RRN3: variants seen among roughly 807,000 people sequenced by gnomAD.
RRN3 encodes RNA polymerase I transcription factor RRN3.
Under a neutral mutation model 82.3 loss-of-function variants are expected in RRN3, and 38 were observed. The ratio of observed to expected loss-of-function variants is 0.46; its 90% CI spans 0.36 to 0.61. RRN3 has a LOEUF of 0.61. Among genes scored for constraint, RRN3 ranks in the 20% least tolerant of loss-of-function variants. The pLI, the probability that RRN3 is intolerant of heterozygous loss-of-function variation, is 0.00. For missense variants in RRN3, 726 were observed against 793.1 expected (o/e 0.92, Z 1.02); for synonymous variants, 284 against 284.3 (o/e 1.00, Z 0.01).
intron 7 of RRN3, 196 bp from the exon 8 acceptor site, chr16:15,083,778 G>A (rs537511086): frequency 9.1e-5 from 53 of 583,286 alleles, no homozygotes; most frequent in Non-Finnish European, 1.5e-4. Flanking sequence ...GTGCAGTGGC[G>A]CAATCTCAGC....
At chr16:15,088,521 G>A (rs1333592134) in intron 3 of RRN3, among the ~76,000 whole-genome samples, 1 of 151,982 alleles carries the variant, frequency 6.6e-6, no homozygotes, top group South Asian at 2.1e-4. Context: ...GCAATTCTTG[G>A]TATGTCAAAA....
chr16:15,075,974 G>A (rs2045437341), intron 10 of RRN3, among the ~76,000 whole-genome samples: 1 of 152,146 alleles, frequency 6.6e-6, no homozygotes, highest in African/African-American at 2.4e-5. Flanking sequence ...TGATTGACAA[G>A]GCATCAGAAA....
intron 9 of RRN3, among the ~76,000 whole-genome samples, chr16:15,077,706 TGGCA>T: frequency 6.6e-6 from 1 of 152,158 alleles, no homozygotes; most frequent in East Asian, 1.9e-4. Context: ...CCGGGCATGG[TGGCA>T]TGTGCCTGTA....
At chr16:15,071,585 T>A (rs911593768) in intron 12 of RRN3, among the ~76,000 whole-genome samples, 2 of 152,086 alleles carry the variant, frequency 1.3e-5, no homozygotes, top group Non-Finnish European at 2.9e-5. Context: ...CTGGCCAACA[T>A]GGAGAAACCC....
chr16:15,075,556 G>C (rs1320891583), intron 10 of RRN3, among the ~76,000 whole-genome samples: 3 of 151,162 alleles, frequency 2.0e-5, no homozygotes, highest in Non-Finnish European at 3.0e-5. Context: ...CTGGGCAACA[G>C]AGTGAGACCC....
In RRN3 at chr16:15,060,149, A is replaced by T. The variant is rs940817681; in HGVS notation, c.*1595T>A. ...CTCCTTTGAAATTAAACAGACTTAT[A>T]TGTAAATGTCTTTCTACATTAAAAC... On this transcript the variant is annotated 3_prime_UTR_variant, in exon 18 of 18. Transcript: ENST00000198767. 4.8e-6 allele frequency: 2 copies of T among 413,818 alleles called. No homozygotes were observed. Among genetic ancestry groups the T allele is most frequent in the Admixed American group, 5.7e-5 (2 of 35,186 alleles). The allele number at this position is 413,818 out of a possible 1,614,324, so 25.6% of individuals were successfully genotyped here.
At chr16:15,081,004 TATA>T (rs2045680611) in intron 8 of RRN3, among the ~76,000 whole-genome samples, 1 of 152,208 alleles carries the variant, frequency 6.6e-6, no homozygotes, top group Admixed American at 6.5e-5. Context: ...AATGGAGTCA[TATA>T]ATACACAGTC....
Position 15,089,194 on chromosome 16 carries a change from G to C in RRN3, c.252+2121C>G, listed in dbSNP as rs996255744. ...GTGGCACAGCTACTCGGGAGGCTGA[G>C]GTGGGAGGATGGCTTGAACCCAGGA... On this transcript the variant is annotated intron_variant, in intron 3 of 17. Coordinates refer to ENST00000198767, the MANE Select transcript of RRN3 (RefSeq NM_018427.5). Among the ~76,000 whole-genome samples the C allele has an allele frequency of 3.3e-5, 5 of 152,048 alleles. No individual in the cohort carries two copies. In the South Asian group the frequency reaches 6.2e-4, roughly 19 times the overall value.
chr16:15,073,747 A>C (rs1309249373), intron 11 of RRN3, among the ~76,000 whole-genome samples: 2 of 152,212 alleles, frequency 1.3e-5, no homozygotes, highest in African/African-American at 4.8e-5. Context: ...GAAAACAGTA[A>C]AAGACAGTTA....
At chr16:15,071,084 T>G in intron 13 of RRN3, 37 bp downstream of exon 13, 1 of 1,554,860 alleles carries the variant, frequency 6.4e-7, no homozygotes, top group South Asian at 1.2e-5. Flanking sequence ...TTTTAAAGCA[T>G]GATATTAAAA....
intron 8 of RRN3, 117 bp downstream of exon 8, chr16:15,083,396 C>T: frequency 1.4e-6 from 2 of 1,480,132 alleles, no homozygotes; most frequent in Non-Finnish European, 1.8e-6. Context: ...GAGACTCGGT[C>T]TCAAAAAAGA....
At chr16:15,074,112 G>T (rs562653108) in intron 11 of RRN3, among the ~76,000 whole-genome samples, 2 of 152,216 alleles carry the variant, frequency 1.3e-5, no homozygotes, top group East Asian at 3.9e-4. Context: ...CATTTAAATT[G>T]TTTTTATCCT....
chr16:15,085,386 A>T (rs1156507779), intron 6 of RRN3, among the ~76,000 whole-genome samples: 4 of 152,208 alleles, frequency 2.6e-5, no homozygotes, highest in African/African-American at 4.8e-5. Flanking sequence ...CCTGGGCTCA[A>T]GCAATCCACC....
At chr16:15,073,440 G>GT (rs1006497973) in intron 11 of RRN3, among the ~76,000 whole-genome samples, 1 of 152,098 alleles carries the variant, frequency 6.6e-6, no homozygotes, top group African/African-American at 2.4e-5. Flanking sequence ...CTGGGTTAGA[G>GT]TAAGACCGTG....
chr16:15,087,767 A>G (rs1362170055), intron 3 of RRN3, among the ~76,000 whole-genome samples: 1 of 152,172 alleles, frequency 6.6e-6, no homozygotes, highest in Non-Finnish European at 1.5e-5. Context: ...TCTCTTTTCC[A>G]CTAAAAAGAC....
chr16:15,083,617 T>C (rs1293921567), intron 7 of RRN3, 35 bp from the exon 8 acceptor site: 1 of 1,586,992 alleles, frequency 6.3e-7, no homozygotes, highest in Non-Finnish European at 8.6e-7. Context: ...CCATGTTAAC[T>C]TTACTTTCTA....
intron 12 of RRN3, among the ~76,000 whole-genome samples, chr16:15,072,517 G>A (rs1189774037): frequency 1.3e-5 from 2 of 152,120 alleles, no homozygotes; most frequent in African/African-American, 2.4e-5. Flanking sequence ...AGAAGGGAAC[G>A]TGGGCCAGGC....
intron 3 of RRN3, 101 bp downstream of exon 3, chr16:15,091,214 G>C: frequency 6.9e-7 from 1 of 1,453,438 alleles, no homozygotes; most frequent in Non-Finnish European, 9.4e-7. Context: ...GAGGACCATG[G>C]AGAGAGCAAG....
intron 8 of RRN3, among the ~76,000 whole-genome samples, chr16:15,082,735 C>G (rs1400882057): frequency 2.0e-5 from 3 of 151,684 alleles, no homozygotes; most frequent in Non-Finnish European, 4.4e-5. Flanking sequence ...GGTCATGGTA[C>G]ATAATTCTTT....
Sources: allele counts gnomAD v4.1 joint callset (sites outside exome capture counted in the v4.1 genomes callset), GRCh38; gene constraint gnomAD v4.1.1; transcripts MANE v1.5; gene names NCBI Gene and HGNC (gene_info 2026-07-23, HGNC 2026-07-21).